PTTG1IP2: variants seen among roughly 807,000 people sequenced by gnomAD.
PTTG1IP2 encodes PTTG1IP family member 2.
chr7:90,505,246 A>G (rs1166385541), intron 6 of PTTG1IP2, among the ~76,000 whole-genome samples: 1 of 152,174 alleles, frequency 6.6e-6, no homozygotes, highest in Non-Finnish European at 1.5e-5. Flanking sequence ...AGGCAATAAT[A>G]TTTTCTACAT....
intron 6 of PTTG1IP2, among the ~76,000 whole-genome samples, chr7:90,511,299 A>T (rs184459937): frequency 6.6e-6 from 1 of 152,336 alleles, no homozygotes; most frequent in East Asian, 1.9e-4. Context: ...AACAAGTGTT[A>T]CTAATAACTT....
At chr7:90,500,341 A>T (rs1291811509) in intron 6 of PTTG1IP2, among the ~76,000 whole-genome samples, 1 of 152,226 alleles carries the variant, frequency 6.6e-6, no homozygotes, top group Non-Finnish European at 1.5e-5. Context: ...TAAAGAATAG[A>T]TGGTTAACTC....
At chr7:90,509,200 A>G (rs914103754) in intron 6 of PTTG1IP2, among the ~76,000 whole-genome samples, 25 of 150,762 alleles carry the variant, frequency 1.7e-4, no homozygotes, top group African/African-American at 5.9e-4. Context: ...GGGATGGGGA[A>G]GTGGGTTGGG....
At chr7:90,471,800 A>G (rs1348579071) in intron 1 of PTTG1IP2, among the ~76,000 whole-genome samples, 3 of 152,166 alleles carry the variant, frequency 2.0e-5, no homozygotes, top group Non-Finnish European at 4.4e-5. Flanking sequence ...TACTGCAGAG[A>G]AATAGGTGGA....
chr7:90,502,056 CTACT>C (rs1302715364), intron 6 of PTTG1IP2, among the ~76,000 whole-genome samples: 1 of 152,234 alleles, frequency 6.6e-6, no homozygotes, highest in Non-Finnish European at 1.5e-5. Context: ...TTTCAAGAAA[CTACT>C]TTCTTTGCTC....
intron 2 of PTTG1IP2, among the ~76,000 whole-genome samples, chr7:90,480,109 G>A (rs928389491): frequency 6.6e-6 from 1 of 152,098 alleles, no homozygotes; most frequent in Non-Finnish European, 1.5e-5. Flanking sequence ...AGTACTGGTG[G>A]GGGTCTAGAT....
At chr7:90,489,201 G>T (rs1463811365) in intron 4 of PTTG1IP2, among the ~76,000 whole-genome samples, 1 of 150,162 alleles carries the variant, frequency 6.7e-6, no homozygotes, top group Non-Finnish European at 1.5e-5. Context: ...AATCCTTTTA[G>T]TATGGTTCTA....
At chr7:90,475,315 AG>A (rs1272151682) in intron 1 of PTTG1IP2, among the ~76,000 whole-genome samples, 95 of 152,350 alleles carry the variant, frequency 6.2e-4, no homozygotes, top group African/African-American at 2.1e-3. Flanking sequence ...AATTACGCCA[AG>A]AAGTTTGGCA....
chr7:90,508,242 G>A (rs1798146357), intron 6 of PTTG1IP2, among the ~76,000 whole-genome samples: 1 of 149,700 alleles, frequency 6.7e-6, no homozygotes, highest in South Asian at 2.1e-4. Context: ...CTCCAGTCTG[G>A]GCAACAGTGA....
intron 1 of PTTG1IP2, among the ~76,000 whole-genome samples, chr7:90,473,164 G>A (rs1797709724): frequency 6.6e-6 from 1 of 152,152 alleles, no homozygotes; most frequent in South Asian, 2.1e-4. Flanking sequence ...ATAATCCCTT[G>A]GACATAAGAA....
intron 1 of PTTG1IP2, among the ~76,000 whole-genome samples, chr7:90,476,411 T>A (rs1359663693): frequency 1.3e-5 from 2 of 151,824 alleles, no homozygotes; most frequent in Non-Finnish European, 2.9e-5. Flanking sequence ...AAGAGAAGAG[T>A]AAAAACATAT....
At chr7:90,502,028 C>T (rs780415877) in intron 6 of PTTG1IP2, among the ~76,000 whole-genome samples, 1 of 152,222 alleles carries the variant, frequency 6.6e-6, no homozygotes. Flanking sequence ...ACAGCATCTT[C>T]ACCAGGAGTA....
intron 4 of PTTG1IP2, among the ~76,000 whole-genome samples, chr7:90,491,224 A>G (rs1446027709): frequency 6.6e-6 from 1 of 152,258 alleles, no homozygotes; most frequent in African/African-American, 2.4e-5. Flanking sequence ...TTCATTGTCC[A>G]TGTACTCAAT....
chr7:90,486,467 CTT>C (rs532687452), intron 2 of PTTG1IP2, among the ~76,000 whole-genome samples: 84 of 119,176 alleles, frequency 7.0e-4, no homozygotes, highest in Middle Eastern at 4.3e-3. Context: ...CTTTGTCTTC[CTT>C]TTTTTTTTTT....
At chr7:90,512,782 T>C (rs554667413) in intron 6 of PTTG1IP2, among the ~76,000 whole-genome samples, 2 of 152,314 alleles carry the variant, frequency 1.3e-5, no homozygotes, top group East Asian at 3.9e-4. Flanking sequence ...AACAATTGTC[T>C]TTTGGACGAT....
At chr7:90,502,400 T>A (rs1217149901) in intron 6 of PTTG1IP2, among the ~76,000 whole-genome samples, 2 of 152,256 alleles carry the variant, frequency 1.3e-5, no homozygotes, top group African/African-American at 4.8e-5. Context: ...TATTTTGACA[T>A]CCTCCCATGA....
chr7:90,504,392 A>G (rs768338819), intron 6 of PTTG1IP2, among the ~76,000 whole-genome samples: 3 of 152,094 alleles, frequency 2.0e-5, no homozygotes, highest in Non-Finnish European at 4.4e-5. Flanking sequence ...CGTAATTTTC[A>G]CCTAGAACAG....
intron 2 of PTTG1IP2, among the ~76,000 whole-genome samples, chr7:90,486,238 G>A (rs1369841060): frequency 1.3e-5 from 2 of 152,104 alleles, no homozygotes; most frequent in East Asian, 1.9e-4. Flanking sequence ...ATGCTACTTA[G>A]GTTAGAACCC....
chr7:90,509,395 G>A (rs1798159756), intron 6 of PTTG1IP2, among the ~76,000 whole-genome samples: 1 of 152,086 alleles, frequency 6.6e-6, no homozygotes, highest in Non-Finnish European at 1.5e-5. Context: ...TAGAAGTAGG[G>A]AGTGAAAAAG....
Sources: allele counts gnomAD v4.1 joint callset (sites outside exome capture counted in the v4.1 genomes callset), GRCh38; gene constraint gnomAD v4.1.1; transcripts MANE v1.5; gene names NCBI Gene and HGNC (gene_info 2026-07-23, HGNC 2026-07-21).